Variants in REPS2 observed in about 807,000 individuals in gnomAD.
REPS2 encodes ralBP1-associated Eps domain-containing protein 2.
REPS2 carries 23 observed loss-of-function variants against 53.6 expected under a neutral mutation model. That is an observed-to-expected ratio of 0.43 (90% CI 0.31 to 0.61). The LOEUF is 0.61. Ranked by LOEUF, REPS2 falls within the 20% of genes least tolerant of loss-of-function variation. The probability of loss-of-function intolerance (pLI) is 0.11; values close to 1 mark genes in which losing one functional copy is unlikely to be tolerated. For synonymous variants in REPS2, 238 were observed against 218.6 expected, an observed-to-expected ratio of 1.09 and a Z score of -0.78; for missense variants, 446 against 534.9, an observed-to-expected ratio of 0.83 and a Z score of 1.64.
In REPS2 at chrX:17,080,403, C is replaced by T. The variant is rs756337178; in HGVS notation, c.1516+2996C>T. 1.6e-3 allele frequency among the ~76,000 whole-genome samples: 174 copies of T among 109,865 alleles called. 1 individual carries two copies. Among genetic ancestry groups the T allele is most frequent in the African/African-American group, 5.6e-3 (168 of 30,142 alleles). ...ATCACTCCTTCACAGGTATGAGCCT[C>T]CCCTCACTCTCCCCTTGCCAAGCTC... On this transcript the variant is annotated intron_variant, in intron 13 of 17. Coordinates refer to ENST00000357277, the MANE Select transcript of REPS2 (RefSeq NM_004726.3).
At chrX:17,019,450 A>G (rs2061542480) in intron 2 of REPS2, among the ~76,000 whole-genome samples, 2 of 111,749 alleles carry the variant, frequency 1.8e-5, no homozygotes. Flanking sequence ...CTTCTTCTTG[A>G]CAGACATCAT....
intron 2 of REPS2, among the ~76,000 whole-genome samples, chrX:17,014,468 A>C (rs1465072672): frequency 9.0e-6 from 1 of 111,630 alleles, no homozygotes; most frequent in Non-Finnish European, 1.9e-5. Flanking sequence ...GGTATTTCAG[A>C]TCAATGGGCA....
At chrX:17,079,821 G>A (rs1481708307) in intron 13 of REPS2, among the ~76,000 whole-genome samples, 1 of 112,326 alleles carries the variant, frequency 8.9e-6, no homozygotes, top group Non-Finnish European at 1.9e-5. Context: ...TGGTATAATT[G>A]CATCTACTTT....
chrX:17,083,466 C>T (rs2062488616), intron 13 of REPS2, among the ~76,000 whole-genome samples: 1 of 111,463 alleles, frequency 9.0e-6, no homozygotes, highest in African/African-American at 3.3e-5. Flanking sequence ...TCTGGAGGAC[C>T]TCCCAAAGAT....
At chrX:17,032,628 T>C (rs978973736) in intron 5 of REPS2, among the ~76,000 whole-genome samples, 3 of 111,917 alleles carry the variant, frequency 2.7e-5, no homozygotes, top group African/African-American at 6.5e-5. Context: ...CCCCCTCATG[T>C]TGTCACGTTG....
the REPS2 span, among the ~76,000 whole-genome samples, chrX:17,174,816 T>C: frequency 8.9e-6 from 1 of 112,805 alleles, no homozygotes; most frequent in East Asian, 2.8e-4. Context: ...CTGCTGCTGC[T>C]GCTGCTATTT....
rs2060485214 is a variant in REPS2, at chrX:16,949,778, G to A, written c.273+2644G>A. On this transcript the variant is annotated intron_variant, in intron 1 of 17. Coordinates refer to ENST00000357277, the MANE Select transcript of REPS2 (RefSeq NM_004726.3). ...TAGGTTCACAGCAAAATTTAGCAGA[G>A]TACCCATATATCCCCTGCCCCGACA... Among the ~76,000 whole-genome samples the A allele has an allele frequency of 2.7e-5, 3 of 110,573 alleles. No individual in the cohort carries two copies. In the South Asian group the frequency reaches 1.1e-3, roughly 42 times the overall value.
intron 14 of REPS2, among the ~76,000 whole-genome samples, chrX:17,115,836 C>A (rs946889581): frequency 2.7e-5 from 3 of 111,722 alleles, no homozygotes; most frequent in African/African-American, 9.8e-5. Flanking sequence ...TCAGAGAGCA[C>A]GGGGTTGGGG....
At chrX:17,024,571 A>AC (rs1235914442) in intron 3 of REPS2, among the ~76,000 whole-genome samples, 12 of 109,452 alleles carry the variant, frequency 1.1e-4, no homozygotes, top group Non-Finnish European at 2.3e-4. Flanking sequence ...TAAAAAAAAA[A>AC]AGCTAGCATT....
chrX:17,083,077 CTTTTTTTTTTTTT>C (rs746229224), intron 13 of REPS2, among the ~76,000 whole-genome samples: 5 of 80,574 alleles, frequency 6.2e-5, no homozygotes, highest in African/African-American at 2.6e-4. Flanking sequence ...GTTCCGAGCA[CTTTTTTTTTTTTT>C]TTTTTTTTTT....
intron 14 of REPS2, among the ~76,000 whole-genome samples, chrX:17,122,728 A>C (rs777244776): frequency 1.8e-5 from 2 of 112,540 alleles, no homozygotes; most frequent in South Asian, 7.4e-4. Context: ...CTCTTAACAT[A>C]ATTTTTATAG....
At chrX:16,980,050 G>T (rs558178206) in intron 1 of REPS2, among the ~76,000 whole-genome samples, 1 of 109,872 alleles carries the variant, frequency 9.1e-6, no homozygotes, top group South Asian at 3.8e-4. Flanking sequence ...CAGATATCTT[G>T]AAATATTGTT....
chrX:17,135,507 T>G, intron 16 of REPS2, 101 bp downstream of exon 16: 1 of 889,064 alleles, frequency 1.1e-6, no homozygotes, highest in Non-Finnish European at 1.6e-6. Flanking sequence ...AACAGAAGGA[T>G]TTCATGGTTG....
chrX:17,108,634 G>A (rs1278157611), intron 14 of REPS2, among the ~76,000 whole-genome samples: 2 of 111,602 alleles, frequency 1.8e-5, no homozygotes, highest in Admixed American at 9.5e-5. Context: ...TTTTGGGGGT[G>A]CAAGACATTA....
chrX:16,966,208 T>C (rs1256064194), intron 1 of REPS2, among the ~76,000 whole-genome samples: 2 of 112,335 alleles, frequency 1.8e-5, no homozygotes, highest in Non-Finnish European at 3.8e-5. Flanking sequence ...CTTCTACTTA[T>C]CAAAATGAGT....
Position 16,946,941 on chromosome X carries a change from C to CGCT in REPS2, c.88_90dup (p.Leu30dup), listed in dbSNP as rs1254435926. On this transcript the variant is annotated inframe_insertion, in exon 1 of 18. Transcript: ENST00000357277. ...GGGGGCTGTGGCTCCGGGCCGCCGC[C>CGCT]GCTGCTGCTGAGCGAGGGCGAGCAG... is the stretch of plus-strand genomic sequence containing the variant. 2 of 851,276 alleles carry CGCT rather than the reference C, an allele frequency of 2.3e-6. No homozygotes were observed. The highest frequency in any genetic ancestry group is 6.8e-5 in the Admixed American group (1 of 14,599). The allele number at this position is 851,276 out of a possible 1,213,427, so 70.2% of individuals were successfully genotyped here.
At chrX:17,180,624 T>TCA in the REPS2 span, among the ~76,000 whole-genome samples, 1,546 of 105,115 alleles carry the variant, frequency 0.015, 22 homozygotes, top group African/African-American at 0.052. Flanking sequence ...TCTCTCTCTC[T>TCA]CACACACACA....
At chrX:17,015,560 C>A (rs1268144161) in intron 2 of REPS2, among the ~76,000 whole-genome samples, 1 of 110,581 alleles carries the variant, frequency 9.0e-6, no homozygotes, top group South Asian at 3.9e-4. Context: ...ATCCCTCCCC[C>A]CTTCCCCCAC....
the REPS2 span, among the ~76,000 whole-genome samples, chrX:17,187,032 A>G: frequency 8.9e-6 from 1 of 111,798 alleles, no homozygotes; most frequent in Non-Finnish European, 1.9e-5. Context: ...TTACCACTAT[A>G]CAATTCATCC....
Sources: gnomAD v4.1 joint callset for allele counts (sites outside exome capture counted in the v4.1 genomes callset) on GRCh38, gnomAD v4.1.1 for gene constraint, MANE v1.5 for transcripts, NCBI Gene and HGNC (gene_info 2026-07-23, HGNC 2026-07-21) for gene names.